MLEC: variants seen among roughly 807,000 people sequenced by gnomAD.
The protein encoded by MLEC is oligosaccharyltransferase complex subunit (non-catalytic).
MLEC carries 7 observed loss-of-function variants against 28.7 expected under a neutral mutation model. That is an observed-to-expected ratio of 0.24 (90% CI 0.14 to 0.46). The LOEUF is 0.46. MLEC is among the 20% of genes least tolerant of loss of function. The pLI is 0.99. For missense variants in MLEC, 237 were observed against 391.1 expected, an observed-to-expected ratio of 0.61 and a Z score of 3.32; for synonymous variants, 142 against 164.4, an observed-to-expected ratio of 0.86 and a Z score of 1.04.
intron 1 of MLEC, among the ~76,000 whole-genome samples, chr12:120,690,528 A>G (rs930367808): frequency 2.0e-5 from 3 of 152,200 alleles, no homozygotes; most frequent in Non-Finnish European, 4.4e-5. Context: ...CATGCTTTAG[A>G]AATTTCTGAT....
chr12:120,699,061 G>T lies in MLEC; in HGVS notation c.*2516G>T, dbSNP rs1476961782. 6.6e-6 allele frequency: 1 copy of T among 152,490 alleles called. No homozygotes were observed. Among genetic ancestry groups the T allele is most frequent in the Non-Finnish European group, 1.5e-5 (1 of 68,022 alleles). The allele number at this position is 152,490 out of a possible 1,614,324, so 9.4% of individuals were successfully genotyped here. A position where few individuals can be genotyped will look rare whatever the true frequency, so the allele number is the denominator to read the frequency against. ...TGATGCTGAACTTGAAAGTTTTTTT[G>T]TTTTTGTTTTTGTTTTGTGGCTCCT... On this transcript the variant is annotated 3_prime_UTR_variant, in exon 5 of 5. Coordinates refer to ENST00000228506, the MANE Select transcript of MLEC (RefSeq NM_014730.4).
intron 4 of MLEC, 146 bp downstream of exon 4, chr12:120,695,298 GCATAA>G (rs1483608319): frequency 2.3e-6 from 2 of 871,298 alleles, no homozygotes; most frequent in African/African-American, 3.3e-5. Flanking sequence ...TAAGGATGAA[GCATAA>G]CATGGTACTA....
At position 120,694,522 on chromosome 12, in the gene MLEC, C is replaced by T. The variant is rs961272326; in HGVS notation, c.414+253C>T. On this transcript the variant is annotated intron_variant, in intron 2 of 4. Transcript: ENST00000228506. The surrounding 1 kb of genome is among the most constrained non-coding windows in gnomAD (Gnocchi z 4.5). ...CTGGCTACTTCCCTCCATGGTTTGC[C>T]GCACCTTCTTGTTTTTAGCCTTATT... 5.3e-5 allele frequency among the ~76,000 whole-genome samples: 8 copies of T among 152,152 alleles called. No individual in the cohort carries two copies. In the South Asian group the frequency reaches 8.3e-4, roughly 16 times the overall value.
In MLEC at chr12:120,696,599, T is replaced by C. The variant is rs56217506; in HGVS notation, c.*54T>C. On this transcript the variant is annotated 3_prime_UTR_variant, in exon 5 of 5. Transcript: ENST00000228506. This position sits in a 1 kb window ranked among gnomAD's most constrained non-coding sequence, Gnocchi z 5.4. ...AGGGGTGTGGGAAAGAAACCAGCCATATTGGTTTTGGTTTCTGTATTTTTC... is the reference window on the plus strand; with the variant it reads ...AGGGGTGTGGGAAAGAAACCAGCCACATTGGTTTTGGTTTCTGTATTTTTC... 0.045 allele frequency: 70,870 copies of C among 1,586,418 alleles called. 1,821 individuals are homozygous for C. The highest frequency in any genetic ancestry group is 0.085 in the Admixed American group (4,576 of 53,738).
In MLEC at chr12:120,698,833, C is replaced by T. The variant is rs1219676471; in HGVS notation, c.*2288C>T. 6.6e-6 allele frequency: 1 copy of T among 152,628 alleles called. No individual in the cohort carries two copies. Among genetic ancestry groups the T allele is most frequent in the Non-Finnish European group, 1.5e-5 (1 of 68,058 alleles). 9.5% of individuals were successfully genotyped at this position (152,628 alleles called of 1,614,324 possible). On this transcript the variant is annotated 3_prime_UTR_variant, in exon 5 of 5. Coordinates refer to ENST00000228506, the MANE Select transcript of MLEC (RefSeq NM_014730.4). ...TTCTGCCTCTGTTTCCAAGCCCACC[C>T]TTTTCCCCTGAGCTCAGGGTTAGGG...
Position 120,694,272 on chromosome 12 carries a change from G to C in MLEC, c.414+3G>C. On this transcript the variant is annotated splice_donor_region_variant and intron_variant, in intron 2 of 4. Transcript: ENST00000228506. The surrounding 1 kb of genome is among the most constrained non-coding windows in gnomAD (Gnocchi z 4.5). ...ACTTTGCACAGTCCCAGCAAAAGGT[G>C]AGGCCTAGTCAGGCTGCTGCTTGAC... 1.2e-6 allele frequency: 2 copies of C among 1,613,478 alleles called. No individual in the cohort carries two copies. Among genetic ancestry groups the C allele is most frequent in the Non-Finnish European group, 1.7e-6 (2 of 1,179,836 alleles).
intron 1 of MLEC, among the ~76,000 whole-genome samples, chr12:120,690,303 G>A (rs779219883): frequency 3.9e-5 from 6 of 151,994 alleles, no homozygotes; most frequent in Non-Finnish European, 7.4e-5. Flanking sequence ...GAACCATCAC[G>A]CCTGACCATG....
At chr12:120,691,204 G>T (rs1387656559) in intron 1 of MLEC, among the ~76,000 whole-genome samples, 1 of 152,194 alleles carries the variant, frequency 6.6e-6, no homozygotes, top group Non-Finnish European at 1.5e-5. Flanking sequence ...TCCCTAAACT[G>T]CCTTGAGTGG....
rs1592919143 is a variant in MLEC at position 120,696,522 on chromosome 12, C to G, written c.856C>G (p.Leu286Val). Reference sequence around the variant, plus strand: ...GGCCTTCGGAGTCTTCATTCCAACCCTCTTCTGCCTCTGCCGGTTGTGAGA... The same window carrying G: ...GGCCTTCGGAGTCTTCATTCCAACCGTCTTCTGCCTCTGCCGGTTGTGAGA... Reference protein sequence around the residue: ...LVAFGVFIPTLFCLCRL With the variant: ...LVAFGVFIPTVFCLCRL The change falls in exon 5 of 5, where the codon CTC (leucine) becomes GTC (valine). Residue 286 changes from leucine (L) to valine (V), a missense_variant. Leu to Val is a conservative substitution (Grantham distance 32). Transcript: ENST00000228506. The surrounding 1 kb of genome is among the most constrained non-coding windows in gnomAD (Gnocchi z 5.4). 3 of 1,614,214 alleles carry G rather than the reference C, an allele frequency of 1.9e-6. No individual in the cohort carries two copies. The highest frequency in any genetic ancestry group is 2.5e-6 in the Non-Finnish European group (3 of 1,180,036).
At chr12:120,695,283 T>C (rs1882188600) in intron 4 of MLEC, 131 bp downstream of exon 4, 1 of 1,000,848 alleles carries the variant, frequency 1.0e-6, no homozygotes, top group Non-Finnish European at 1.6e-6. Context: ...TCAGAATCAG[T>C]TGGATAAGGA....
At position 120,697,547 on chromosome 12, in the gene MLEC, C is replaced by G. The variant is rs770152767; in HGVS notation, c.*1002C>G. 2.6e-5 allele frequency: 4 copies of G among 152,666 alleles called. No homozygotes were observed. The highest frequency in any genetic ancestry group is 4.4e-5 in the Non-Finnish European group (3 of 68,056). 9.5% of individuals were successfully genotyped at this position (152,666 alleles called of 1,614,324 possible). ...TGGCCCCTTTGTAGGGCCTTGCTGC[C>G]AGGGGGCAGGGATGCTTTCCAGCCT... On this transcript the variant is annotated 3_prime_UTR_variant, in exon 5 of 5. Coordinates refer to ENST00000228506, the MANE Select transcript of MLEC (RefSeq NM_014730.4). This position sits in a 1 kb window ranked among gnomAD's most constrained non-coding sequence, Gnocchi z 4.8.
chr12:120,696,652 G>GA lies in MLEC; in HGVS notation c.*114dup, dbSNP rs1187695674. 1.5e-5 allele frequency: 22 copies of GA among 1,488,244 alleles called. No homozygotes were observed. Among genetic ancestry groups the GA allele is most frequent in the Non-Finnish European group, 2.0e-5 (22 of 1,104,018 alleles). The allele number at this position is 1,488,244 out of a possible 1,614,324, so 92.2% of individuals were successfully genotyped here. A position where few individuals can be genotyped will look rare whatever the true frequency, so the allele number is the denominator to read the frequency against. ...AATGATTAATGAACAAAAACAAAGA[G>GA]AAAAAAACACACATCAATTAAAGGA... On this transcript the variant is annotated 3_prime_UTR_variant, in exon 5 of 5. Transcript: ENST00000228506. The surrounding 1 kb of genome is among the most constrained non-coding windows in gnomAD (Gnocchi z 5.4).
At chr12:120,688,708 TGTCC>T (rs1285138325) in intron 1 of MLEC, among the ~76,000 whole-genome samples, 37 of 150,024 alleles carry the variant, frequency 2.5e-4, no homozygotes, top group African/African-American at 8.9e-4. Flanking sequence ...TCGATTGCAG[TGTCC>T]TGGAGTTTGT....
intron 1 of MLEC, among the ~76,000 whole-genome samples, chr12:120,693,087 A>AG (rs1264896444): frequency 6.6e-6 from 1 of 152,240 alleles, no homozygotes; most frequent in Non-Finnish European, 1.5e-5. Context: ...GGAGAGGGCC[A>AG]GGGCCAAGAG....
At position 120,696,546 on chromosome 12, in the gene MLEC, G is replaced by A; in HGVS notation, c.*1G>A. 1.2e-6 allele frequency: 2 copies of A among 1,614,138 alleles called. No homozygotes were observed. Among genetic ancestry groups the A allele is most frequent in the Non-Finnish European group, 1.7e-6 (2 of 1,180,032 alleles). On this transcript the variant is annotated 3_prime_UTR_variant, in exon 5 of 5. Transcript: ENST00000228506. This position sits in a 1 kb window ranked among gnomAD's most constrained non-coding sequence, Gnocchi z 5.4. ...CCTCTTCTGCCTCTGCCGGTTGTGA[G>A]AACAAATGACTATCCTGAACAGGGT...
rs1403926436 is a variant in MLEC at position 120,700,099 on chromosome 12, A to G, written c.*3554A>G. The G allele has an allele frequency of 6.6e-6, 1 of 152,634 alleles. No homozygotes were observed. Among genetic ancestry groups the G allele is most frequent in the Non-Finnish European group, 1.5e-5 (1 of 68,056 alleles). 9.5% of individuals were successfully genotyped at this position (152,634 alleles called of 1,614,324 possible). A position where few individuals can be genotyped will look rare whatever the true frequency, so the allele number is the denominator to read the frequency against. ...AATCCCTTTCCCTAGAAATTGGCTC[A>G]CCTTGGGAAACCCAGGGAAAGAATC... On this transcript the variant is annotated 3_prime_UTR_variant, in exon 5 of 5. Coordinates refer to ENST00000228506, the MANE Select transcript of MLEC (RefSeq NM_014730.4). This position sits in a 1 kb window ranked among gnomAD's most constrained non-coding sequence, Gnocchi z 4.0.
chr12:120,689,516 T>A (rs1475372497), intron 1 of MLEC, among the ~76,000 whole-genome samples: 1 of 152,230 alleles, frequency 6.6e-6, no homozygotes, highest in Non-Finnish European at 1.5e-5. Context: ...AGCTGCAGTT[T>A]GGACCAGCTT....
rs971124445 is a variant in MLEC, at chr12:120,696,178, A to G, written c.650-138A>G. ...TCTGCTGTTCTGTAGACCAGAGGCT[A>G]TTTCTGCTACTTCTGGTCTTTTCTC... On this transcript the variant is annotated intron_variant, in intron 4 of 4. Coordinates refer to ENST00000228506, the MANE Select transcript of MLEC (RefSeq NM_014730.4). This position sits in a 1 kb window ranked among gnomAD's most constrained non-coding sequence, Gnocchi z 5.4. 9.3e-7 allele frequency: 1 copy of G among 1,070,138 alleles called. No homozygotes were observed. Among genetic ancestry groups the G allele is most frequent in the Non-Finnish European group, 1.4e-6 (1 of 734,840 alleles). The allele number at this position is 1,070,138 out of a possible 1,614,324, so 66.3% of individuals were successfully genotyped here. A position where few individuals can be genotyped will look rare whatever the true frequency, so the allele number is the denominator to read the frequency against.
In MLEC at chr12:120,696,211, G is replaced by A. The variant is rs927125514; in HGVS notation, c.650-105G>A. On this transcript the variant is annotated intron_variant, in intron 4 of 4. Transcript: ENST00000228506. The surrounding 1 kb of genome is among the most constrained non-coding windows in gnomAD (Gnocchi z 5.4). ...TACTTCTGGTCTTTTCTCTGGACCCGGGTTCAATCACAGCAATCTCTTTAT... is the reference window on the plus strand; with the variant it reads ...TACTTCTGGTCTTTTCTCTGGACCCAGGTTCAATCACAGCAATCTCTTTAT... 2.5e-5 allele frequency: 36 copies of A among 1,432,172 alleles called. No homozygotes were observed. The highest frequency in any genetic ancestry group is 2.0e-4 in the African/African-American group (14 of 70,342). The allele number at this position is 1,432,172 out of a possible 1,614,324, so 88.7% of individuals were successfully genotyped here.
Sources: allele counts gnomAD v4.1 joint callset (sites outside exome capture counted in the v4.1 genomes callset), GRCh38; gene constraint gnomAD v4.1.1; non-coding constraint Gnocchi (gnomAD v3.1); transcripts MANE v1.5; gene names NCBI Gene and HGNC (gene_info 2026-07-23, HGNC 2026-07-21).